RASGRP3: variants seen among roughly 807,000 people sequenced by gnomAD.
RASGRP3 encodes ras guanyl-releasing protein 3.
A neutral mutation model predicts 82.7 loss-of-function variants in RASGRP3; 54 were observed. That is an observed-to-expected ratio of 0.65 (90% CI 0.52 to 0.82). The LOEUF (loss-of-function observed/expected upper bound fraction) is 0.82. Ranked by LOEUF, RASGRP3 falls within the 40% of genes least tolerant of loss-of-function variation. RASGRP3 has a pLI of 0.00. For missense variants in RASGRP3, 861 were observed against 828.9 expected (o/e 1.04, Z -0.48); for synonymous variants, 309 against 300.5 (o/e 1.03, Z -0.29).
At chr2:33,459,725 T>C (rs964725130) in intron 2 of RASGRP3, among the ~76,000 whole-genome samples, 3 of 152,088 alleles carry the variant, frequency 2.0e-5, no homozygotes, top group Admixed American at 6.5e-5. Context: ...GGTTGATCAG[T>C]ATAAATGCAA....
At chr2:33,439,246 GA>G (rs533620276) in intron 1 of RASGRP3, among the ~76,000 whole-genome samples, 122 of 152,282 alleles carry the variant, frequency 8.0e-4, no homozygotes, top group African/African-American at 2.9e-3. Flanking sequence ...AAGTATACAG[GA>G]CACAAAGCAT....
Position 33,539,230 on chromosome 2 carries a change from TA to T in RASGRP3, c.1278+23del. 6.6e-7 allele frequency: 1 copy of T among 1,520,330 alleles called. No homozygotes were observed. Among genetic ancestry groups the T allele is most frequent in the Non-Finnish European group, 9.0e-7 (1 of 1,107,282 alleles). 94.2% of individuals were successfully genotyped at this position (1,520,330 alleles called of 1,614,324 possible). A position where few individuals can be genotyped will look rare whatever the true frequency, so the allele number is the denominator to read the frequency against. On this transcript the variant is annotated intron_variant, in intron 12 of 17. Coordinates refer to ENST00000403687, the MANE Select transcript of RASGRP3 (RefSeq NM_001139488.2). ...GTGGAGGTAAGTGGTTGAGGGAGAA[TA>T]AAGAGAGGGCACTAGAAGACCCTTT... is the stretch of plus-strand genomic sequence containing the variant.
intron 1 of RASGRP3, among the ~76,000 whole-genome samples, chr2:33,500,918 G>A (rs764343472): frequency 5.3e-5 from 8 of 152,200 alleles, no homozygotes; most frequent in Non-Finnish European, 5.9e-5. Context: ...TGGCAACGGA[G>A]CAAGACTCCG....
intron 2 of RASGRP3, among the ~76,000 whole-genome samples, chr2:33,459,199 G>A (rs905971964): frequency 6.6e-6 from 1 of 151,944 alleles, no homozygotes; most frequent in Non-Finnish European, 1.5e-5. Context: ...CAGTGGCGCA[G>A]TCTTGGCTCA....
Position 33,534,114 on chromosome 2 carries a change from G to A in RASGRP3, c.1084-209G>A, listed in dbSNP as rs1673365776. The A allele has an allele frequency of 1.5e-5, 8 of 551,466 alleles. No individual in the cohort carries two copies. The South Asian group carries it at 1.8e-4, about 12-fold the overall frequency. 34.2% of individuals were successfully genotyped at this position (551,466 alleles called of 1,614,324 possible). A position where few individuals can be genotyped will look rare whatever the true frequency, so the allele number is the denominator to read the frequency against. On this transcript the variant is annotated intron_variant, in intron 10 of 17. Transcript: ENST00000403687. ...ATATTGCTGAGGAATTGAGTTGATGGTTCTCGTCAATACTGATGATTAACC... is the reference window on the plus strand; with the variant it reads ...ATATTGCTGAGGAATTGAGTTGATGATTCTCGTCAATACTGATGATTAACC...
intron 2 of RASGRP3, chr2:33,458,021 C>T (rs1361085229): frequency 6.6e-6 from 1 of 152,166 alleles, no homozygotes; most frequent in Non-Finnish European, 1.5e-5. Flanking sequence ...TAGCAGGTGA[C>T]TTTTGCGCAC....
At chr2:33,446,125 T>C (rs1665486159) in intron 1 of RASGRP3, among the ~76,000 whole-genome samples, 1 of 152,208 alleles carries the variant, frequency 6.6e-6, no homozygotes. Flanking sequence ...TTCTTTTTTG[T>C]TGGTTCCCAA....
intron 5 of RASGRP3, 77 bp downstream of exon 5, chr2:33,520,091 C>A: frequency 8.1e-7 from 1 of 1,229,674 alleles, no homozygotes; most frequent in Non-Finnish European, 1.2e-6. Flanking sequence ...CCCCAAGCTG[C>A]AGACCTAGTT....
At position 33,532,482 on chromosome 2, in the gene RASGRP3, TA is replaced by T. The variant is rs530936379; in HGVS notation, c.1084-1839del. The T allele has an allele frequency of 1.8e-4, 27 of 152,338 alleles. No homozygotes were observed. In the East Asian group the frequency reaches 5.0e-3, roughly 28 times the overall value. 9.4% of individuals were successfully genotyped at this position (152,338 alleles called of 1,614,324 possible). A position where few individuals can be genotyped will look rare whatever the true frequency, so the allele number is the denominator to read the frequency against. ...ATCTGCAAAGACTCTGTTTTCCAAA[TA>T]AGACGTTTCTATCAAAATGTACCTT... On this transcript the variant is annotated intron_variant, in intron 10 of 17. Coordinates refer to ENST00000403687, the MANE Select transcript of RASGRP3 (RefSeq NM_001139488.2).
At chr2:33,500,991 G>A (rs965042790) in intron 1 of RASGRP3, among the ~76,000 whole-genome samples, 1 of 152,112 alleles carries the variant, frequency 6.6e-6, no homozygotes, top group African/African-American at 2.4e-5. Flanking sequence ...GTATTCACAA[G>A]GTTCTTCAAC....
At position 33,564,428 on chromosome 2, in the gene RASGRP3, A is replaced by T. The variant is rs1677026117; in HGVS notation, c.*1691A>T. On this transcript the variant is annotated 3_prime_UTR_variant, in exon 18 of 18. Transcript: ENST00000403687. The stretch of plus-strand genomic sequence containing the variant: ...GCAGCCATCCCTAGATGTTGGTTTC[A>T]TGTATATTACACTATCTACTACTAT... 1 of 152,226 alleles carries T rather than the reference A, an allele frequency of 6.6e-6. No homozygotes were observed. Among genetic ancestry groups the T allele is most frequent in the Admixed American group, 6.5e-5 (1 of 15,280 alleles). 9.4% of individuals were successfully genotyped at this position (152,226 alleles called of 1,614,324 possible).
intron 11 of RASGRP3, among the ~76,000 whole-genome samples, chr2:33,536,379 T>C (rs1574451631): frequency 7.1e-6 from 1 of 140,950 alleles, no homozygotes. Flanking sequence ...CTGGTGAGAG[T>C]AGGTATCTCA....
intron 4 of RASGRP3, among the ~76,000 whole-genome samples, chr2:33,518,306 T>G (rs1199595195): frequency 6.6e-6 from 1 of 152,304 alleles, no homozygotes; most frequent in East Asian, 1.9e-4. Context: ...TGGTGGGTAT[T>G]TGTGTATCTA....
At chr2:33,479,825 C>T (rs1667731444) in intron 1 of RASGRP3, among the ~76,000 whole-genome samples, 1 of 152,082 alleles carries the variant, frequency 6.6e-6, no homozygotes, top group South Asian at 2.1e-4. Flanking sequence ...GTCCACATTC[C>T]TCCACTTTAG....
At chr2:33,550,645 C>T (rs530362075) in intron 14 of RASGRP3, among the ~76,000 whole-genome samples, 4 of 152,272 alleles carry the variant, frequency 2.6e-5, no homozygotes, top group South Asian at 4.1e-4. Flanking sequence ...GTATGACAAT[C>T]GCCCCTTTTT....
chr2:33,493,000 A>C (rs1430981234), intron 1 of RASGRP3: 2 of 152,198 alleles, frequency 1.3e-5, no homozygotes, highest in Non-Finnish European at 2.9e-5. Context: ...TGAAGTATAA[A>C]GGTCATCCAG....
intron 1 of RASGRP3, among the ~76,000 whole-genome samples, chr2:33,497,145 T>C (rs191716735): frequency 4.6e-5 from 7 of 152,356 alleles, no homozygotes; most frequent in African/African-American, 1.7e-4. Context: ...TTGCATTTAG[T>C]AGTAAAGAAG....
Position 33,511,756 on chromosome 2 carries a change from G to A in RASGRP3, c.-214G>A, listed in dbSNP as rs1670948740. ...TCAGGTTGAATAAACCAGTTCTACA[G>A]ACTGCTTCTTCCATGCATTTCCCAA... On this transcript the variant is annotated 5_prime_UTR_variant, in exon 2 of 18. Transcript: ENST00000403687. The A allele has an allele frequency of 6.6e-6, 1 of 152,622 alleles. No individual in the cohort carries two copies. Among genetic ancestry groups the A allele is most frequent in the African/African-American group, 2.4e-5 (1 of 41,448 alleles). 9.5% of individuals were successfully genotyped at this position (152,622 alleles called of 1,614,324 possible).
intron 1 of RASGRP3, among the ~76,000 whole-genome samples, chr2:33,510,365 C>T (rs1215164932): frequency 6.6e-6 from 1 of 152,158 alleles, no homozygotes; most frequent in Non-Finnish European, 1.5e-5. Context: ...GAAAGCTTCC[C>T]TGTCATTTTG....
Sources: allele counts gnomAD v4.1 joint callset (sites outside exome capture counted in the v4.1 genomes callset), GRCh38; gene constraint gnomAD v4.1.1; transcripts MANE v1.5; gene names NCBI Gene and HGNC (gene_info 2026-07-23, HGNC 2026-07-21).